Variants in PPFIA1 observed in about 807,000 individuals in gnomAD.
PPFIA1 encodes the protein liprin-alpha-1.
A neutral mutation model predicts 149.9 loss-of-function variants in PPFIA1; 25 were observed. The ratio of observed to expected loss-of-function variants is 0.17; its 90% CI spans 0.12 to 0.23. PPFIA1 has a LOEUF of 0.23. Ranked by LOEUF, PPFIA1 falls within the 10% of genes least tolerant of loss-of-function variation. The pLI is 1.00. For synonymous variants in PPFIA1, 549 were observed against 552.8 expected (o/e 0.99, Z 0.10); for missense variants, 1,362 against 1,506.5 (o/e 0.90, Z 1.59).
At chr11:70,377,177 A>C (rs954937930) in intron 25 of PPFIA1, among the ~76,000 whole-genome samples, 1 of 152,220 alleles carries the variant, frequency 6.6e-6, no homozygotes, top group Non-Finnish European at 1.5e-5. Context: ...ATCCCTCAAA[A>C]ATGGTTTTCA....
intron 2 of PPFIA1, among the ~76,000 whole-genome samples, chr11:70,308,176 G>A (rs2052997387): frequency 6.6e-6 from 1 of 152,226 alleles, no homozygotes; most frequent in African/African-American, 2.4e-5. Context: ...AGCCTCCTGA[G>A]TAGCTGGGAT....
Position 70,339,162 on chromosome 11 carries a change from A to G in PPFIA1, c.1572-9A>G, listed in dbSNP as rs777006581. On this transcript the variant is annotated splice_polypyrimidine_tract_variant and intron_variant, in intron 13 of 27. Coordinates refer to ENST00000253925, the MANE Select transcript of PPFIA1 (RefSeq NM_003626.5). Reference sequence around the variant, plus strand: ...CTAATAATGATCATTCTTATTTTTCATGTTTCAGCCGACCCCACTTGGGCA... The same window carrying G: ...CTAATAATGATCATTCTTATTTTTCGTGTTTCAGCCGACCCCACTTGGGCA... The G allele has an allele frequency of 1.2e-6, 2 of 1,611,978 alleles. No homozygotes were observed. Among genetic ancestry groups the G allele is most frequent in the Non-Finnish European group, 1.7e-6 (2 of 1,179,622 alleles).
chr11:70,381,967 AG>A, intron 26 of PPFIA1, 120 bp from the exon 27 acceptor site: 1 of 798,212 alleles, frequency 1.3e-6, no homozygotes, highest in Non-Finnish European at 2.0e-6. Flanking sequence ...AGCTCCCCTC[AG>A]GTCCCTCCGT....
At chr11:70,306,054 C>G (rs2052824945) in intron 2 of PPFIA1, among the ~76,000 whole-genome samples, 1 of 152,154 alleles carries the variant, frequency 6.6e-6, no homozygotes, top group South Asian at 2.1e-4. Context: ...AGTAAGGCAG[C>G]CCTCATTTTG....
chr11:70,368,326 G>A (rs546079587), intron 21 of PPFIA1, among the ~76,000 whole-genome samples: 1 of 152,288 alleles, frequency 6.6e-6, no homozygotes, highest in East Asian at 1.9e-4. Flanking sequence ...GAGAATTTGA[G>A]TTATTGCTTA....
intron 21 of PPFIA1, among the ~76,000 whole-genome samples, chr11:70,366,882 G>A (rs1417826611): frequency 6.6e-6 from 1 of 151,988 alleles, no homozygotes; most frequent in Non-Finnish European, 1.5e-5. Flanking sequence ...ACAAAATAGA[G>A]TAGCTATAAT....
intron 2 of PPFIA1, among the ~76,000 whole-genome samples, chr11:70,311,655 A>G (rs2053288149): frequency 1.3e-5 from 2 of 152,100 alleles, no homozygotes; most frequent in South Asian, 4.2e-4. Flanking sequence ...ACTGCCTTTC[A>G]GTTGAATGGC....
intron 2 of PPFIA1, among the ~76,000 whole-genome samples, chr11:70,319,324 C>G (rs1175799172): frequency 6.6e-6 from 1 of 152,228 alleles, no homozygotes; most frequent in African/African-American, 2.4e-5. Flanking sequence ...TCATTTCTTA[C>G]CCATCTCCCC....
chr11:70,359,938 C>T (rs535075109), intron 19 of PPFIA1, among the ~76,000 whole-genome samples: 1 of 152,240 alleles, frequency 6.6e-6, no homozygotes, highest in Non-Finnish European at 1.5e-5. Flanking sequence ...GGCCTTCTTC[C>T]CGTGATTGGA....
In PPFIA1 at chr11:70,348,321, G is replaced by A. The variant is rs372477702; in HGVS notation, c.2064G>A (p.Ser688=). ...MSSIPPYPAS[S]LASSSPPGSG... ...CCATTCCCCCCTACCCTGCTTCCTC[G>A]CTTGCTAGCTCCTCCCCTCCGGGCA... Residue 688 remains serine (S), a synonymous_variant, in exon 16 of 28, where the codon TCG becomes TCA. Transcript: ENST00000253925. The A allele has an allele frequency of 1.8e-5, 29 of 1,613,980 alleles. No individual in the cohort carries two copies. In the African/African-American group the frequency reaches 3.2e-4, roughly 18 times the overall value.
intron 6 of PPFIA1, 115 bp from the exon 7 acceptor site, chr11:70,326,482 G>A: frequency 7.8e-7 from 1 of 1,281,490 alleles, no homozygotes; most frequent in South Asian, 1.3e-5. Context: ...CATGAAAGTT[G>A]TGTAATCCAA....
intron 14 of PPFIA1, among the ~76,000 whole-genome samples, chr11:70,343,351 A>G (rs892545330): frequency 2.6e-5 from 4 of 151,832 alleles, no homozygotes; most frequent in African/African-American, 9.7e-5. Context: ...GCCTCTCTTC[A>G]TCCTCCCCCT....
chr11:70,341,418 G>A (rs533739232), intron 14 of PPFIA1, among the ~76,000 whole-genome samples: 17 of 152,276 alleles, frequency 1.1e-4, no homozygotes, highest in South Asian at 6.2e-4. Context: ...GGAAGTCAAA[G>A]ATGACTCCAA....
chr11:70,327,193 G>A (rs535133028), intron 7 of PPFIA1: 3 of 204,890 alleles, frequency 1.5e-5, no homozygotes, highest in East Asian at 2.8e-4. Context: ...TGTTCAGATT[G>A]CCTTCTGTTG....
chr11:70,372,271 C>G lies in PPFIA1; in HGVS notation c.2922C>G (p.Ser974Arg). ...GGATCGGCAACGAGTGGCTCCCCAG[C>G]CTGGGCCTCCCCCAGTACCGCAGCT... ...HEWIGNEWLP[S>R]LGLPQYRSYF... Residue 974 changes from serine to arginine, a missense_variant, in exon 22 of 28, where the codon AGC becomes AGG. Coordinates refer to ENST00000253925, the MANE Select transcript of PPFIA1 (RefSeq NM_003626.5). The G allele has an allele frequency of 6.2e-7, 1 of 1,614,202 alleles. No homozygotes were observed. Among genetic ancestry groups the G allele is most frequent in the Non-Finnish European group, 8.5e-7 (1 of 1,180,036 alleles).
chr11:70,276,627 A>C (rs1451747479), intron 2 of PPFIA1, among the ~76,000 whole-genome samples: 1 of 152,160 alleles, frequency 6.6e-6, no homozygotes, highest in African/African-American at 2.4e-5. Context: ...TGTTTGAAAT[A>C]ATTCTTTGGC....
intron 19 of PPFIA1, among the ~76,000 whole-genome samples, chr11:70,361,834 A>G (rs1422562514): frequency 1.3e-5 from 2 of 149,776 alleles, no homozygotes; most frequent in African/African-American, 2.5e-5. Flanking sequence ...TATATTGCCC[A>G]GGCTGCTCTT....
At chr11:70,325,273 T>C (rs2054192817) in intron 4 of PPFIA1, 1 of 445,392 alleles carries the variant, frequency 2.2e-6, no homozygotes, top group Non-Finnish European at 3.8e-6. Flanking sequence ...CAATTACTTT[T>C]GCAACAACCT....
At chr11:70,379,206 AG>A (rs1467054278) in intron 26 of PPFIA1, among the ~76,000 whole-genome samples, 2 of 152,144 alleles carry the variant, frequency 1.3e-5, no homozygotes, top group East Asian at 3.9e-4. Context: ...ACTGGAGGAA[AG>A]GAAGTGGCAT....
Sources: allele counts gnomAD v4.1 joint callset (sites outside exome capture counted in the v4.1 genomes callset), GRCh38; gene constraint gnomAD v4.1.1; transcripts MANE v1.5; gene names NCBI Gene and HGNC (gene_info 2026-07-23, HGNC 2026-07-21).